MAGED1: variants seen among roughly 807,000 people sequenced by gnomAD.
MAGED1 encodes the protein MAGE family member D1.
MAGED1 carries 3 observed loss-of-function variants against 54.1 expected under a neutral mutation model. The observed-to-expected ratio is 0.06, with a 90% CI of 0.03 to 0.14. MAGED1 has a LOEUF of 0.14. Ranked by LOEUF, MAGED1 falls within the 10% of genes least tolerant of loss-of-function variation. The pLI, the probability that MAGED1 is intolerant of heterozygous loss-of-function variation, is 1.00. For missense variants in MAGED1, 485 were observed against 623.4 expected, an observed-to-expected ratio of 0.78 and a Z score of 2.36; for synonymous variants, 217 against 227.3, an observed-to-expected ratio of 0.95 and a Z score of 0.41.
chrX:51,858,009 A>T (rs1557360351), intron 1 of MAGED1: 1 of 112,572 alleles, frequency 8.9e-6, no homozygotes, highest in Non-Finnish European at 1.9e-5. Context: ...TGTGTGTGGG[A>T]AAGTCTTTAT....
At chrX:51,805,290 G>A (rs1454259919) in intron 1 of MAGED1, among the ~76,000 whole-genome samples, 1 of 111,234 alleles carries the variant, frequency 9.0e-6, no homozygotes, top group Non-Finnish European at 1.9e-5. Context: ...TTTAAATATG[G>A]CTTTCCCCCT....
At chrX:51,815,805 G>A (rs1925399851) in intron 1 of MAGED1, among the ~76,000 whole-genome samples, 1 of 111,556 alleles carries the variant, frequency 9.0e-6, no homozygotes, top group South Asian at 3.8e-4. Flanking sequence ...ACAGATGTGA[G>A]CCACTGTGCC....
chrX:51,885,674 C>T (rs1291840787), intron 1 of MAGED1, among the ~76,000 whole-genome samples: 1 of 110,742 alleles, frequency 9.0e-6, no homozygotes, highest in African/African-American at 3.3e-5. Flanking sequence ...CAAACCAATC[C>T]CGGGGCACTT....
chrX:51,886,285 C>T (rs1319898544), intron 1 of MAGED1, among the ~76,000 whole-genome samples: 4 of 110,533 alleles, frequency 3.6e-5, no homozygotes, highest in African/African-American at 6.6e-5. Context: ...GGATTTGGAA[C>T]GTTCCCAATA....
At chrX:51,820,817 A>G (rs1232677938) in intron 1 of MAGED1, among the ~76,000 whole-genome samples, 3 of 111,554 alleles carry the variant, frequency 2.7e-5, no homozygotes, top group Non-Finnish European at 5.6e-5. Flanking sequence ...ATTGTTAATT[A>G]TAGTCATTCT....
chrX:51,864,810 A>G (rs1199491397), intron 1 of MAGED1, among the ~76,000 whole-genome samples: 1 of 112,101 alleles, frequency 8.9e-6, no homozygotes, highest in Non-Finnish European at 1.9e-5. Flanking sequence ...ATAGTATATT[A>G]TGTAACTTAA....
chrX:51,867,745 A>T (rs1179009836), intron 1 of MAGED1, among the ~76,000 whole-genome samples: 1 of 112,452 alleles, frequency 8.9e-6, no homozygotes, highest in Non-Finnish European at 1.9e-5. Flanking sequence ...TCTTCCAAAC[A>T]TACTAGTCAC....
intron 1 of MAGED1, among the ~76,000 whole-genome samples, chrX:51,851,752 G>A (rs983768134): frequency 4.6e-5 from 5 of 109,280 alleles, no homozygotes; most frequent in Non-Finnish European, 9.5e-5. Context: ...AGGTGGTACA[G>A]CCAGAGATTT....
intron 1 of MAGED1, among the ~76,000 whole-genome samples, chrX:51,821,050 C>T (rs1159934646): frequency 9.0e-6 from 1 of 111,568 alleles, no homozygotes; most frequent in Non-Finnish European, 1.9e-5. Context: ...GCTTATTTCG[C>T]TTAGACTTGT....
At chrX:51,894,895 C>G (rs1557363983) in intron 2 of MAGED1, 158 bp from the exon 3 acceptor site, 1 of 962,314 alleles carries the variant, frequency 1.0e-6, no homozygotes, top group Non-Finnish European at 1.4e-6. Flanking sequence ...CCCATCGCCC[C>G]TCGCGGGCCC....
intron 1 of MAGED1, among the ~76,000 whole-genome samples, chrX:51,852,578 T>C (rs1482761652): frequency 8.9e-6 from 1 of 112,336 alleles, no homozygotes; most frequent in Non-Finnish European, 1.9e-5. Context: ...TAACAGAGAA[T>C]AGAACTAGTT....
At chrX:51,818,170 T>G (rs986660583) in intron 1 of MAGED1, among the ~76,000 whole-genome samples, 2 of 112,157 alleles carry the variant, frequency 1.8e-5, no homozygotes, top group Admixed American at 1.9e-4. Context: ...CAAGGGTTTC[T>G]GAGGCAAGAG....
intron 1 of MAGED1, among the ~76,000 whole-genome samples, chrX:51,830,978 C>T (rs782459144): frequency 5.4e-5 from 6 of 111,774 alleles, no homozygotes; most frequent in Non-Finnish European, 1.1e-4. Context: ...TCTCCTGCCT[C>T]AGCTTCCCAA....
intron 1 of MAGED1, among the ~76,000 whole-genome samples, chrX:51,808,727 A>C (rs1925114767): frequency 9.0e-6 from 1 of 111,720 alleles, no homozygotes; most frequent in Admixed American, 9.4e-5. Context: ...AAATAGTAAA[A>C]TAAACATGAA....
chrX:51,838,615 G>T (rs782482495), intron 1 of MAGED1, among the ~76,000 whole-genome samples: 1 of 112,387 alleles, frequency 8.9e-6, no homozygotes, highest in Admixed American at 9.4e-5. Context: ...ATTAGTAGCT[G>T]CTTTCTTAAA....
In MAGED1 at chrX:51,884,822, C is replaced by T. The variant is rs139829165; in HGVS notation, c.-36-9447C>T. 8.0e-3 allele frequency among the ~76,000 whole-genome samples: 895 copies of T among 112,281 alleles called. 6 individuals carry two copies. The highest frequency in any genetic ancestry group is 0.013 in the Non-Finnish European group (680 of 53,158). On this transcript the variant is annotated intron_variant, in intron 1 of 12. Coordinates refer to the MAGED1 transcript ENST00000375772. ...ATGTACGGTTCAGCATCCATAAATC[C>T]AGCAATGTAATCCATTATATCAACA... is the stretch of plus-strand genomic sequence containing the variant.
Position 51,896,457 on chromosome X carries a change from G to T in MAGED1, c.802G>T (p.Ala268Ser), listed in dbSNP as rs782813783. The change falls in exon 4 of 13, where the codon GCC (alanine) becomes TCC (serine). Residue 268 changes from alanine to serine, a missense_variant. Ala to Ser is a moderately conservative substitution (Grantham distance 99). This residue lies in a region of MAGED1 where 299 missense variants were observed against 293.1 expected (regional missense o/e 1.02). Coordinates refer to ENST00000326587, the MANE Select transcript of MAGED1 (RefSeq NM_006986.4). ...GAACAGCAGTGGGGATCAGAGGCGG[G>T]CCCCACTGGCTGCAGGGACCTGGAG... ...EENSSGDQRR[A>S]PLAAGTWRSA... 1.7e-6 allele frequency: 2 copies of T among 1,210,224 alleles called. No homozygotes were observed. The highest frequency in any genetic ancestry group is 3.5e-5 in the South Asian group (2 of 56,862).
rs183142850 is a variant in MAGED1, at chrX:51,893,881, C to T, written c.-37+126C>T. 1.3e-3 allele frequency: 153 copies of T among 116,035 alleles called. 1 individual carries two copies. The highest frequency in any genetic ancestry group is 4.5e-3 in the Middle Eastern group (1 of 224). The allele number at this position is 116,035 out of a possible 1,213,427, so 9.6% of individuals were successfully genotyped here. On this transcript the variant is annotated intron_variant, in intron 1 of 12. Transcript: ENST00000326587. The stretch of plus-strand genomic sequence containing the variant: ...CCCCAAACCCCAATTCAATGCCCCT[C>T]CCGATCCTTCCTGATTCAAAACCCC...
intron 1 of MAGED1, among the ~76,000 whole-genome samples, chrX:51,879,268 A>G (rs1927974941): frequency 9.0e-6 from 1 of 111,358 alleles, no homozygotes; most frequent in African/African-American, 3.3e-5. Flanking sequence ...TGTACTTCCA[A>G]GTTTCTGCCC....
Sources: gnomAD v4.1 joint callset for allele counts (sites outside exome capture counted in the v4.1 genomes callset) on GRCh38, gnomAD v4.1.1 for gene constraint, gnomAD v4.1.1 regional missense constraint, MANE v1.5 for transcripts, NCBI Gene and HGNC (gene_info 2026-07-23, HGNC 2026-07-21) for gene names.